The following ZNF804B variants were observed in gnomAD, a reference collection of about 807,000 sequenced individuals.
ZNF804B encodes the protein zinc finger protein 804B.
ZNF804B carries 80 observed loss-of-function variants against 101.4 expected under a neutral mutation model. The ratio of observed to expected loss-of-function variants is 0.79; its 90% confidence interval spans 0.66 to 0.95. The LOEUF is 0.95. Ranked by LOEUF, ZNF804B falls within the 40% of genes least tolerant of loss-of-function variation. The pLI, the probability that ZNF804B is intolerant of heterozygous loss-of-function variation, is 0.00. For missense variants in ZNF804B, 1,673 were observed against 1,561.9 expected, an observed-to-expected ratio of 1.07 and a Z score of -1.20; for synonymous variants, 622 against 558.8, an observed-to-expected ratio of 1.11 and a Z score of -1.59.
At chr7:88,821,922 G>T (rs1260792919) in intron 1 of ZNF804B, among the ~76,000 whole-genome samples, 2 of 152,070 alleles carry the variant, frequency 1.3e-5, no homozygotes, top group Non-Finnish European at 2.9e-5. Flanking sequence ...AAAGTATGAG[G>T]AATGCTGGAG....
At chr7:88,870,384 C>CAAAAAAAAAAAAAAAAAA (rs1212123301) in intron 1 of ZNF804B, among the ~76,000 whole-genome samples, 1 of 36,072 alleles carries the variant, frequency 2.8e-5, no homozygotes, top group Non-Finnish European at 5.4e-5. Flanking sequence ...AACTCCGTCT[C>CAAAAAAAAAAAAAAAAAA]AAAAAAAAAA....
rs1457672034 is a variant in ZNF804B, at chr7:88,814,607, T to C, written c.108+54523T>C. Among the ~76,000 whole-genome samples, 5 of 152,120 alleles carry C rather than the reference T, an allele frequency of 3.3e-5. No individual in the cohort carries two copies. In the East Asian group the frequency reaches 5.8e-4, roughly 18 times the overall value. On this transcript the variant is annotated intron_variant, in intron 1 of 3. Transcript: ENST00000333190. ...CCATGGATTTCATGTAAAGACAATT[T>C]GGGGTTTAAATTTGGCCTCTATATT...
intron 1 of ZNF804B, among the ~76,000 whole-genome samples, chr7:89,180,462 C>T (rs1387046840): frequency 6.6e-6 from 1 of 152,064 alleles, no homozygotes; most frequent in Non-Finnish European, 1.5e-5. Flanking sequence ...TGGGTACTGC[C>T]TGAATCCTGA....
In ZNF804B at chr7:89,334,563, C is replaced by T. The variant is rs780376404; in HGVS notation, c.1581C>T (p.Ile527=). Residue 527 remains isoleucine, a synonymous_variant, in exon 4 of 4, where the codon ATC becomes ATT. Transcript: ENST00000333190. ...SGLTEDQQKL[I]QEDYQYPKPK... is the part of the protein sequence containing the mutation. ...TAACTGAAGACCAACAAAAATTGAT[C>T]CAAGAAGATTATCAATATCCGAAAC... The T allele has an allele frequency of 1.2e-6, 2 of 1,613,552 alleles. No homozygotes were observed. The highest frequency in any genetic ancestry group is 8.5e-7 in the Non-Finnish European group (1 of 1,179,768).
intron 1 of ZNF804B, among the ~76,000 whole-genome samples, chr7:89,085,019 T>G (rs1471990156): frequency 6.6e-6 from 1 of 151,894 alleles, no homozygotes; most frequent in African/African-American, 2.4e-5. Flanking sequence ...GTAGCTCTTT[T>G]TATTTCAAGG....
intron 1 of ZNF804B, among the ~76,000 whole-genome samples, chr7:88,932,802 G>T (rs189071435): frequency 1.3e-5 from 2 of 151,538 alleles, no homozygotes; most frequent in African/African-American, 4.8e-5. Context: ...ATTCACAGAT[G>T]AATTCTATCA....
In ZNF804B at chr7:88,860,700, G is replaced by A. The variant is rs550915205; in HGVS notation, c.108+100616G>A. 8.5e-5 allele frequency among the ~76,000 whole-genome samples: 13 copies of A among 152,080 alleles called. No individual in the cohort carries two copies. In the South Asian group the frequency reaches 2.7e-3, roughly 32 times the overall value. On this transcript the variant is annotated intron_variant, in intron 1 of 3. Transcript: ENST00000333190. Reference sequence around the variant, plus strand: ...AAATGAGGCAGAGGAAGAAAAGAAGGAACTTGATACATACAAATAGACACG... The same window carrying A: ...AAATGAGGCAGAGGAAGAAAAGAAGAAACTTGATACATACAAATAGACACG...
intron 1 of ZNF804B, among the ~76,000 whole-genome samples, chr7:89,002,178 T>C (rs1286814781): frequency 1.3e-5 from 2 of 151,696 alleles, no homozygotes; most frequent in Non-Finnish European, 2.9e-5. Context: ...TACAGTAATA[T>C]ATTTAAATTT....
At chr7:89,052,809 A>T (rs1789228532) in intron 1 of ZNF804B, among the ~76,000 whole-genome samples, 3 of 152,142 alleles carry the variant, frequency 2.0e-5, no homozygotes. Context: ...TTTTCTATGA[A>T]AACTGATATT....
intron 2 of ZNF804B, among the ~76,000 whole-genome samples, chr7:89,289,368 C>CAA (rs140542777): frequency 3.3e-5 from 5 of 151,660 alleles, no homozygotes; most frequent in Non-Finnish European, 5.9e-5. Flanking sequence ...CAAACAACAA[C>CAA]AACAAAAAAC....
intron 2 of ZNF804B, among the ~76,000 whole-genome samples, chr7:89,291,152 C>A (rs1446427440): frequency 6.6e-6 from 1 of 152,048 alleles, no homozygotes; most frequent in Admixed American, 6.6e-5. Context: ...AAAATCTTCC[C>A]AAGAAGGGCA....
At chr7:88,877,009 TATATATATATATATATA>T (rs1181752809) in intron 1 of ZNF804B, among the ~76,000 whole-genome samples, 9 of 58,230 alleles carry the variant, frequency 1.5e-4, no homozygotes, top group African/African-American at 1.2e-3. Flanking sequence ...AAAAAAAAAA[TATATATATATATATATA>T]ATATATATAT....
chr7:89,303,065 T>C (rs1444055901), intron 2 of ZNF804B, among the ~76,000 whole-genome samples: 6 of 151,950 alleles, frequency 3.9e-5, no homozygotes, highest in Non-Finnish European at 8.8e-5. Flanking sequence ...GTGTAGTAAG[T>C]ATCAAAACTG....
rs551977118 is a variant in ZNF804B at position 88,844,969 on chromosome 7, A to G, written c.108+84885A>G. Among the ~76,000 whole-genome samples the G allele has an allele frequency of 3.2e-3, 485 of 152,330 alleles. 1 individual carries two copies. The highest frequency in any genetic ancestry group is 4.9e-3 in the Non-Finnish European group (336 of 68,018). ...GGATCTGCGAGCTGGAAGTTCTCTC[A>G]TTAAAGCAAAACCATCATAGAAATC... On this transcript the variant is annotated intron_variant, in intron 1 of 3. Transcript: ENST00000333190.
intron 1 of ZNF804B, among the ~76,000 whole-genome samples, chr7:88,866,321 C>G (rs1006512956): frequency 6.6e-6 from 1 of 152,140 alleles, no homozygotes; most frequent in African/African-American, 2.4e-5. Flanking sequence ...TCTTTTCCAT[C>G]AAGAGGTTGT....
chr7:88,998,000 G>A lies in ZNF804B; in HGVS notation c.109-220155G>A, dbSNP rs531983994. Reference sequence around the variant, plus strand: ...CTTAGCACTCTTATTAGCCTACCACGCCTGGAAAGGGCTGTCTGCCCCTTT... The same window carrying A: ...CTTAGCACTCTTATTAGCCTACCACACCTGGAAAGGGCTGTCTGCCCCTTT... On this transcript the variant is annotated intron_variant, in intron 1 of 3. Transcript: ENST00000333190. Among the ~76,000 whole-genome samples, 235 of 152,024 alleles carry A rather than the reference G, an allele frequency of 1.5e-3. 2 individuals are homozygous for A. Among genetic ancestry groups the A allele is most frequent in the African/African-American group, 5.0e-3 (208 of 41,476 alleles).
intron 1 of ZNF804B, among the ~76,000 whole-genome samples, chr7:88,926,045 T>C (rs1035034808): frequency 2.0e-5 from 3 of 151,994 alleles, no homozygotes; most frequent in African/African-American, 7.2e-5. Flanking sequence ...AGGTCAAAAA[T>C]GTAAAACAGA....
intron 1 of ZNF804B, among the ~76,000 whole-genome samples, chr7:88,993,989 AG>A (rs1793884423): frequency 6.6e-6 from 1 of 151,988 alleles, no homozygotes; most frequent in Admixed American, 6.6e-5. Flanking sequence ...ATATATGTAT[AG>A]GCTGATGTAT....
intron 1 of ZNF804B, among the ~76,000 whole-genome samples, chr7:89,199,817 A>T (rs1788604146): frequency 6.6e-6 from 1 of 150,414 alleles, no homozygotes; most frequent in Non-Finnish European, 1.5e-5. Context: ...ATACATATAC[A>T]TATAAACATC....
Sources: allele counts gnomAD v4.1 joint callset (sites outside exome capture counted in the v4.1 genomes callset), GRCh38; gene constraint gnomAD v4.1.1; transcripts MANE v1.5; gene names NCBI Gene and HGNC (gene_info 2026-07-23, HGNC 2026-07-21).